The following TTC16 variants were observed in gnomAD, a reference collection of about 807,000 sequenced individuals.
TTC16 encodes the protein tetratricopeptide repeat protein 16.
Under a neutral mutation model 80.4 loss-of-function variants are expected in TTC16, and 66 were observed. The ratio of observed to expected loss-of-function variants is 0.82; its 90% CI spans 0.67 to 1.01. The LOEUF is 1.01. Ranked by LOEUF, TTC16 falls within the 50% of genes least tolerant of loss-of-function variation. TTC16 has a pLI of 0.00. For synonymous variants in TTC16, 438 were observed against 451.3 expected (o/e 0.97, Z 0.37); for missense variants, 1,070 against 1,103.2 (o/e 0.97, Z 0.43).
chr9:127,719,805 C>CT (rs1843310318), intron 4 of TTC16, among the ~76,000 whole-genome samples: 2 of 152,306 alleles, frequency 1.3e-5, no homozygotes, highest in East Asian at 3.9e-4. Context: ...GCTCAGCTAT[C>CT]TGAGTTTTCT....
rs1363866403 is a variant in TTC16, at chr9:127,718,843, C to T, written c.426+1071C>T. Reference sequence around the variant, plus strand: ...CTGACCTCAAGTAATCCTCCCGCCTCGGCCTCCCAAAGTGCTGGGATTACA... The same window carrying T: ...CTGACCTCAAGTAATCCTCCCGCCTTGGCCTCCCAAAGTGCTGGGATTACA... On this transcript the variant is annotated intron_variant, in intron 4 of 13. Coordinates refer to ENST00000373289, the MANE Select transcript of TTC16 (RefSeq NM_144965.3). The surrounding 1 kb of genome is among the most constrained non-coding windows in gnomAD (Gnocchi z 4.6). 3.9e-5 allele frequency among the ~76,000 whole-genome samples: 6 copies of T among 151,916 alleles called. No individual in the cohort carries two copies. The highest frequency in any genetic ancestry group is 1.3e-4 in the Admixed American group (2 of 15,278).
Position 127,716,160 on chromosome 9 carries a change from C to T in TTC16, c.15C>T (p.Asp5=), listed in dbSNP as rs376035812. 5.3e-5 allele frequency: 85 copies of T among 1,613,778 alleles called. No homozygotes were observed. Among genetic ancestry groups the T allele is most frequent in the Non-Finnish European group, 6.9e-5 (81 of 1,180,004 alleles). MTDS[D]EDALKVDQGP... ...GAAGGGGCCTCATGACAGATTCGGA[C>T]GAGGTGCGGGCTTGGGAGAAGACTA... The change falls in exon 1 of 14, where the codon GAC becomes GAT. Residue 5 remains aspartate (D), a synonymous_variant. Coordinates refer to ENST00000373289, the MANE Select transcript of TTC16 (RefSeq NM_144965.3).
intron 6 of TTC16, among the ~76,000 whole-genome samples, chr9:127,721,287 A>T (rs1210758534): frequency 1.3e-5 from 2 of 151,606 alleles, no homozygotes; most frequent in East Asian, 3.9e-4. Context: ...CCTGAGAAGG[A>T]GGCTGGGCAC....
chr9:127,726,399 C>G lies in TTC16; in HGVS notation c.1420C>G (p.Pro474Ala). Reference protein sequence around the residue: ...ATVLLLNPKQPKLSLLMTNLF... With the variant: ...ATVLLLNPKQAKLSLLMTNLF... ...TGTCCTGCTCCTCAACCCCAAGCAA[C>G]CAAAGGTAGGTTCCTGCCACGTCAG... is the stretch of plus-strand genomic sequence containing the variant. The change falls in exon 10 of 14, where the codon CCA becomes GCA. Residue 474 changes from proline (P) to alanine (A), a missense_variant. Physicochemically the swap from Pro to Ala is conservative, Grantham distance 27. Coordinates refer to ENST00000373289, the MANE Select transcript of TTC16 (RefSeq NM_144965.3). 1 of 1,596,182 alleles carries G rather than the reference C, an allele frequency of 6.3e-7. No homozygotes were observed. The highest frequency in any genetic ancestry group is 8.6e-7 in the Non-Finnish European group (1 of 1,168,602).
chr9:127,723,460 C>T, intron 7 of TTC16, 127 bp downstream of exon 7: 2 of 895,886 alleles, frequency 2.2e-6, no homozygotes, highest in South Asian at 3.3e-5. Flanking sequence ...AACAGTCTTT[C>T]CCTACTTCCT....
In TTC16 at chr9:127,716,843, G is replaced by C. The variant is rs1226068031; in HGVS notation, c.19-1G>C. The C allele has an allele frequency of 6.2e-7, 1 of 1,609,638 alleles. No homozygotes were observed. Among genetic ancestry groups the C allele is most frequent in the Non-Finnish European group, 8.5e-7 (1 of 1,177,104 alleles). On this transcript the variant is annotated splice_acceptor_variant, in intron 1 of 13. Transcript: ENST00000373289. LOFTEE classifies it high-confidence loss of function. ...TCCAGCTTGCTGTCCTTCGGTTCTA[G>C]GATGCCCTGAAGGTTGACCAGGGCC...
At position 127,720,350 on chromosome 9, in the gene TTC16, C is replaced by A. The variant is rs372543965; in HGVS notation, c.612C>A (p.Ala204=). ...TNELKQDTTN[A]DVYIFRARLY... Reference sequence around the variant, plus strand: ...AGCTGAAGCAGGACACCACCAACGCCGATGTCTACATCTTCCGGGCCAGAC... The same window carrying A: ...AGCTGAAGCAGGACACCACCAACGCAGATGTCTACATCTTCCGGGCCAGAC... Residue 204 remains alanine (A), a synonymous_variant, in exon 6 of 14, where the codon GCC becomes GCA. Coordinates refer to ENST00000373289, the MANE Select transcript of TTC16 (RefSeq NM_144965.3). 6.2e-7 allele frequency: 1 copy of A among 1,613,214 alleles called. No individual in the cohort carries two copies. The highest frequency in any genetic ancestry group is 8.5e-7 in the Non-Finnish European group (1 of 1,179,954).
rs555201738 is a variant in TTC16, at chr9:127,717,127, C to CT, written c.191+112dup. The CT allele has an allele frequency of 8.1e-5, 114 of 1,403,696 alleles. No homozygotes were observed. The South Asian group carries it at 1.2e-3, about 15-fold the overall frequency. 87.0% of individuals were successfully genotyped at this position (1,403,696 alleles called of 1,614,324 possible). A position where few individuals can be genotyped will look rare whatever the true frequency, so the allele number is the denominator to read the frequency against. On this transcript the variant is annotated intron_variant, in intron 2 of 13. Transcript: ENST00000373289. ...TTCAGGCCTCAGTGAACTCAACTGT[C>CT]TAATGGGGCTCTTCCACCTCAGTGG...
Position 127,730,937 on chromosome 9 carries a change from GA to G in TTC16, c.2156del (p.Asn719ThrfsTer123), listed in dbSNP as rs1421941604. On this transcript the variant is annotated frameshift_variant, in exon 14 of 14. Coordinates refer to ENST00000373289, the MANE Select transcript of TTC16 (RefSeq NM_144965.3). LOFTEE classifies it low-confidence loss of function (END_TRUNC). ...CCAAGGCCACCCAAAGCCAGAGGCG[GA>G]ACTCCAGCAAGACCAGGGCCACCCA... ...KTKATQSQRRNSSKTRATQGQ... is the reference protein window; with the variant it reads ...KTKATQSQRRXSSKTRATQGQ... 6.2e-7 allele frequency: 1 copy of G among 1,613,104 alleles called. No homozygotes were observed. Among genetic ancestry groups the G allele is most frequent in the African/African-American group, 1.3e-5 (1 of 74,800 alleles).
In TTC16 at chr9:127,720,060, T is replaced by C; in HGVS notation, c.427-18T>C. On this transcript the variant is annotated intron_variant, in intron 4 of 13. Coordinates refer to ENST00000373289, the MANE Select transcript of TTC16 (RefSeq NM_144965.3). Reference sequence around the variant, plus strand: ...GGCTGGGGTGGCAAGCAGAATTGACTGTCCCCTGTGTCCCCAGGGACAATG... The same window carrying C: ...GGCTGGGGTGGCAAGCAGAATTGACCGTCCCCTGTGTCCCCAGGGACAATG... 4 of 1,612,514 alleles carry C rather than the reference T, an allele frequency of 2.5e-6. No individual in the cohort carries two copies. The highest frequency in any genetic ancestry group is 3.4e-6 in the Non-Finnish European group (4 of 1,178,904).
chr9:127,717,123 C>A (rs1056660743), intron 2 of TTC16, 107 bp downstream of exon 2: 3 of 1,430,904 alleles, frequency 2.1e-6, no homozygotes, highest in Admixed American at 3.8e-5. Context: ...GTGAACTCAA[C>A]TGTCTAATGG....
intron 6 of TTC16, among the ~76,000 whole-genome samples, chr9:127,721,385 C>T (rs1192195161): frequency 6.6e-6 from 1 of 151,702 alleles, no homozygotes; most frequent in Non-Finnish European, 1.5e-5. Flanking sequence ...AAGGCAGGGC[C>T]GGAGTCTGGC....
At chr9:127,726,918 C>G in intron 10 of TTC16, 52 bp from the exon 11 acceptor site, 1 of 1,608,136 alleles carries the variant, frequency 6.2e-7, no homozygotes, top group Non-Finnish European at 8.5e-7. Flanking sequence ...ATCGTGCTGT[C>G]TGTCTGCTGC....
intron 5 of TTC16, 28 bp downstream of exon 5, chr9:127,720,206 C>T (rs2131627294): frequency 1.9e-6 from 3 of 1,613,534 alleles, no homozygotes; most frequent in East Asian, 4.5e-5. Context: ...CCCCTTCTCC[C>T]AGCACCCACT....
chr9:127,724,999 C>T (rs975767390), intron 9 of TTC16, 102 bp downstream of exon 9: 2 of 1,361,464 alleles, frequency 1.5e-6, no homozygotes, highest in African/African-American at 1.5e-5. Flanking sequence ...CTGCTTCTCT[C>T]CTCGGGGGCG....
Position 127,717,023 on chromosome 9 carries a change from G to A in TTC16, c.191+7G>A, listed in dbSNP as rs753667665. On this transcript the variant is annotated splice_region_variant and intron_variant, in intron 2 of 13. Transcript: ENST00000373289. ...CCCTCAAAGTCAGGGAATAGTGAGT[G>A]ACTACCTTGCTTTGGGGTCCCAGGT... The A allele has an allele frequency of 1.9e-6, 3 of 1,610,142 alleles. No individual in the cohort carries two copies. The highest frequency in any genetic ancestry group is 2.5e-6 in the Non-Finnish European group (3 of 1,176,688).
At chr9:127,720,417 G>A (rs1382148154) in intron 6 of TTC16, 22 bp downstream of exon 6, 4 of 1,608,768 alleles carry the variant, frequency 2.5e-6, no homozygotes, top group African/African-American at 2.7e-5. Flanking sequence ...AGGGCGGGCA[G>A]GGGCATGCCC....
chr9:127,724,061 C>T (rs1588441162), intron 7 of TTC16, 59 bp from the exon 8 acceptor site: 11 of 1,478,788 alleles, frequency 7.4e-6, no homozygotes, highest in East Asian at 7.4e-5. Context: ...ACTAGCCAGT[C>T]GGTGGGGGTG....
In TTC16 at chr9:127,726,396, C is replaced by CCGATGGGTTTATGCCATTCTCAGA; in HGVS notation, c.1417_1418insCGATGGGTTTATGCCATTCTCAGA (p.Gln473delinsProMetGlyLeuCysHisSerGlnLys). On this transcript the variant is annotated protein_altering_variant, in exon 10 of 14. Transcript: ENST00000373289. Reference sequence around the variant, plus strand: ...CACTGTCCTGCTCCTCAACCCCAAGCAACCAAAGGTAGGTTCCTGCCACGT... The same window carrying CCGATGGGTTTATGCCATTCTCAGA: ...CACTGTCCTGCTCCTCAACCCCAAGCCGATGGGTTTATGCCATTCTCAGAAACCAAAGGTAGGTTCCTGCCACGT... 6.2e-7 allele frequency: 1 copy of CCGATGGGTTTATGCCATTCTCAGA among 1,600,296 alleles called. No homozygotes were observed.
Sources: allele counts gnomAD v4.1 joint callset (sites outside exome capture counted in the v4.1 genomes callset), GRCh38; gene constraint gnomAD v4.1.1; non-coding constraint Gnocchi (gnomAD v3.1); transcripts MANE v1.5; gene names NCBI Gene and HGNC (gene_info 2026-07-23, HGNC 2026-07-21).